TENM1: variants seen among roughly 807,000 people sequenced by gnomAD.
TENM1 encodes teneurin transmembrane protein 1.
TENM1 carries 35 observed loss-of-function variants against 174.8 expected under a neutral mutation model. The ratio of observed to expected loss-of-function variants is 0.20; its 90% CI spans 0.15 to 0.27. The LOEUF (loss-of-function observed/expected upper bound fraction) is 0.27, where lower values mean the gene tolerates loss of function less well. TENM1 is among the 10% of genes least tolerant of loss of function. TENM1 has a pLI of 1.00. For synonymous variants in TENM1, 781 were observed against 798.7 expected (o/e 0.98, Z 0.37); for missense variants, 1,633 against 2,130.1 (o/e 0.77, Z 4.59).
chrX:124,576,326 C>T (rs1391517642), intron 11 of TENM1, among the ~76,000 whole-genome samples: 2 of 112,114 alleles, frequency 1.8e-5, no homozygotes, highest in African/African-American at 6.5e-5. Context: ...TCCCAAAATG[C>T]TGGGATTATA....
the TENM1 span, among the ~76,000 whole-genome samples, chrX:124,968,848 T>C: frequency 9.0e-6 from 1 of 111,558 alleles, no homozygotes; most frequent in Non-Finnish European, 1.9e-5. Context: ...AGAAACAGAG[T>C]TTGAATTCAC....
the TENM1 span, among the ~76,000 whole-genome samples, chrX:125,150,510 G>A: frequency 9.0e-6 from 1 of 111,423 alleles, no homozygotes; most frequent in Non-Finnish European, 1.9e-5. Flanking sequence ...TCATTTGGGG[G>A]AATTCTAGTT....
intron 1 of TENM1, among the ~76,000 whole-genome samples, chrX:124,924,589 G>T (rs2058066987): frequency 9.0e-6 from 1 of 111,421 alleles, no homozygotes; most frequent in Non-Finnish European, 1.9e-5. Flanking sequence ...TGCGTTACCT[G>T]TTCTCCCAGG....
chrX:125,172,948 C>T, the TENM1 span, among the ~76,000 whole-genome samples: 1 of 111,418 alleles, frequency 9.0e-6, no homozygotes, highest in African/African-American at 3.3e-5. Context: ...AGCATCTCAA[C>T]TGCAAGAAAC....
At chrX:124,627,877 C>T (rs1297472569) in intron 11 of TENM1, among the ~76,000 whole-genome samples, 5 of 111,129 alleles carry the variant, frequency 4.5e-5, no homozygotes, top group African/African-American at 1.6e-4. Flanking sequence ...CTTGAGAAAC[C>T]GAAAGCCTGA....
the TENM1 span, among the ~76,000 whole-genome samples, chrX:125,134,146 G>T: frequency 2.7e-5 from 3 of 111,697 alleles, no homozygotes; most frequent in African/African-American, 9.8e-5. Context: ...TGTCTCAAAG[G>T]TAAGATAAAG....
At chrX:124,607,917 T>C in intron 11 of TENM1, among the ~76,000 whole-genome samples, 1 of 111,317 alleles carries the variant, frequency 9.0e-6, no homozygotes, top group Non-Finnish European at 1.9e-5. Context: ...CCAATTAGAT[T>C]TGCTGATGGA....
chrX:124,513,696 CTTTG>C lies in TENM1; in HGVS notation c.3301+6817_3301+6820del, dbSNP rs780799919. 1.3e-4 allele frequency among the ~76,000 whole-genome samples: 15 copies of C among 112,141 alleles called. No homozygotes were observed. In the South Asian group the frequency reaches 2.2e-3, roughly 17 times the overall value. On this transcript the variant is annotated intron_variant, in intron 18 of 31. Transcript: ENST00000422452. Reference sequence around the variant, plus strand: ...CAGGAGTACAAATAGACATTTCCTTCTTTGTTTATTTAGATTTAATCATAAATAT... The same window carrying C: ...CAGGAGTACAAATAGACATTTCCTTCTTTATTTAGATTTAATCATAAATAT...
At chrX:124,925,741 T>C (rs758400770) in intron 1 of TENM1, among the ~76,000 whole-genome samples, 15 of 112,407 alleles carry the variant, frequency 1.3e-4, no homozygotes, top group African/African-American at 4.8e-4. Flanking sequence ...ATCAAAACTT[T>C]GGAACTGGAA....
intron 5 of TENM1, among the ~76,000 whole-genome samples, chrX:124,673,153 A>G (rs1484431278): frequency 9.0e-6 from 1 of 111,607 alleles, no homozygotes; most frequent in Non-Finnish European, 1.9e-5. Context: ...ACAGGTGACA[A>G]CGATTGGTGG....
chrX:124,990,681 C>A, the TENM1 span, among the ~76,000 whole-genome samples: 4 of 112,134 alleles, frequency 3.6e-5, no homozygotes, highest in African/African-American at 1.3e-4. Context: ...CATTAAAATG[C>A]AAATACGTTA....
rs111643693 is a variant in TENM1, at chrX:124,900,155, C to G, written c.218-3914G>C. ...TACAAATGTCCCAAGTATCTATGAACACATGAATGGATAATCCACCTGTGG... is the reference window on the plus strand; with the variant it reads ...TACAAATGTCCCAAGTATCTATGAAGACATGAATGGATAATCCACCTGTGG... On this transcript the variant is annotated intron_variant, in intron 1 of 31. Coordinates refer to ENST00000422452, the Ensembl canonical transcript of TENM1. Among the ~76,000 whole-genome samples the G allele has an allele frequency of 8.6e-3, 968 of 112,307 alleles. 13 individuals carry two copies. The highest frequency in any genetic ancestry group is 0.03 in the African/African-American group (933 of 30,961).
chrX:125,123,298 A>T, the TENM1 span, among the ~76,000 whole-genome samples: 1 of 110,345 alleles, frequency 9.1e-6, no homozygotes, highest in Non-Finnish European at 1.9e-5. Flanking sequence ...AGCTTTAAAA[A>T]CCAAGGTTGG....
intron 3 of TENM1, among the ~76,000 whole-genome samples, chrX:124,791,690 T>A (rs905833817): frequency 8.9e-6 from 1 of 111,888 alleles, no homozygotes; most frequent in Non-Finnish European, 1.9e-5. Context: ...CTGACTCTTC[T>A]ACATGCAGTC....
At chrX:125,001,888 C>G in the TENM1 span, among the ~76,000 whole-genome samples, 4 of 98,522 alleles carry the variant, frequency 4.1e-5, no homozygotes, top group Non-Finnish European at 8.2e-5. Flanking sequence ...CACACACACA[C>G]AGCTCTCTCT....
chrX:125,175,875 A>T, the TENM1 span, among the ~76,000 whole-genome samples: 1 of 112,294 alleles, frequency 8.9e-6, no homozygotes, highest in Non-Finnish European at 1.9e-5. Context: ...TTTGCTAAAT[A>T]AAGAATTTGG....
chrX:125,012,837 G>A, the TENM1 span, among the ~76,000 whole-genome samples: 11,754 of 111,490 alleles, frequency 0.11, 547 homozygotes, highest in South Asian at 0.22. Flanking sequence ...CAATTCAAGG[G>A]TATTACTTGA....
At chrX:124,891,357 T>C (rs1221045379) in intron 3 of TENM1, among the ~76,000 whole-genome samples, 1 of 111,497 alleles carries the variant, frequency 9.0e-6, no homozygotes, top group Non-Finnish European at 1.9e-5. Flanking sequence ...GATACCCTAA[T>C]TACCCTGATT....
intron 4 of TENM1, among the ~76,000 whole-genome samples, chrX:124,735,926 C>A (rs2053659973): frequency 9.0e-6 from 1 of 110,879 alleles, no homozygotes; most frequent in South Asian, 3.9e-4. Context: ...CCTTGGGACT[C>A]CAAAAAAGGG....
Sources: allele counts gnomAD v4.1 joint callset (sites outside exome capture counted in the v4.1 genomes callset), GRCh38; gene constraint gnomAD v4.1.1; transcripts MANE v1.5; gene names NCBI Gene and HGNC (gene_info 2026-07-23, HGNC 2026-07-21).